AIM2: variants seen among roughly 807,000 people sequenced by gnomAD.
AIM2 encodes the protein interferon-inducible protein AIM2.
A neutral mutation model predicts 27.7 loss-of-function variants in AIM2; 30 were observed. The observed-to-expected ratio is 1.08, with a 90% CI of 0.81 to 1.47. AIM2 has a LOEUF of 1.47. Among genes scored for constraint, AIM2 ranks in the 40% most tolerant of loss-of-function variants. The pLI, the probability that AIM2 is intolerant of heterozygous loss-of-function variation, is 0.00. For synonymous variants in AIM2, 141 were observed against 145.3 expected, an observed-to-expected ratio of 0.97 and a Z score of 0.21; for missense variants, 358 against 411.3, an observed-to-expected ratio of 0.87 and a Z score of 1.12.
intron 1 of AIM2, among the ~76,000 whole-genome samples, chr1:159,105,548 A>G (rs1657420374): frequency 6.6e-6 from 1 of 152,168 alleles, no homozygotes; most frequent in South Asian, 2.1e-4. Context: ...GAGGAGCTTT[A>G]TTGAGTAACG....
chr1:159,060,547 C>T (rs1210181150), downstream of AIM2, among the ~76,000 whole-genome samples: 1 of 152,190 alleles, frequency 6.6e-6, no homozygotes. Flanking sequence ...CTTCCTGCTG[C>T]TTTGTTGCCG....
chr1:159,127,924 T>C lies in AIM2; in HGVS notation c.-16+12507A>G, dbSNP rs74369400. On this transcript the variant is annotated intron_variant, in intron 1 of 2. Coordinates refer to the AIM2 transcript ENST00000368129. ...CTCATGTCACCAACTGAAAGTGCCT[T>C]CTTTTTCATCTTAACCAAAGTTAGT... 8.2e-3 allele frequency among the ~76,000 whole-genome samples: 1,244 copies of C among 152,356 alleles called. 13 individuals are homozygous for C. The highest frequency in any genetic ancestry group is 8.9e-3 in the Non-Finnish European group (606 of 68,038).
intron 2 of AIM2, among the ~76,000 whole-genome samples, chr1:159,071,834 A>G (rs1223869454): frequency 6.6e-6 from 1 of 152,288 alleles, no homozygotes; most frequent in East Asian, 1.9e-4. Context: ...GAATCCTACA[A>G]CTGTTACATT....
chr1:159,136,666 T>G (rs1648014600), intron 1 of AIM2, among the ~76,000 whole-genome samples: 1 of 152,230 alleles, frequency 6.6e-6, no homozygotes, highest in African/African-American at 2.4e-5. Flanking sequence ...TCAAAGATAT[T>G]CTATTCCATT....
upstream of AIM2, among the ~76,000 whole-genome samples, chr1:159,144,088 G>C (rs1370772956): frequency 6.6e-6 from 1 of 152,144 alleles, no homozygotes; most frequent in East Asian, 1.9e-4. Context: ...TTATAAACTA[G>C]GGGCACTAAC....
chr1:159,073,643 T>C (rs1656471468), intron 1 of AIM2, 124 bp from the exon 2 acceptor site: 3 of 973,200 alleles, frequency 3.1e-6, no homozygotes. Flanking sequence ...TAAAAGAGAT[T>C]TGAGTAGGAC....
intron 1 of AIM2, among the ~76,000 whole-genome samples, chr1:159,130,662 C>A (rs1647844722): frequency 6.6e-6 from 1 of 152,012 alleles, no homozygotes; most frequent in African/African-American, 2.4e-5. Context: ...TTTCTCTCCA[C>A]TTCTCTAATA....
At chr1:159,122,904 A>C (rs980429584) in intron 1 of AIM2, among the ~76,000 whole-genome samples, 6 of 152,202 alleles carry the variant, frequency 3.9e-5, no homozygotes, top group Non-Finnish European at 4.4e-5. Flanking sequence ...AGATGTCTAC[A>C]GTTGTGTTGA....
intron 1 of AIM2, among the ~76,000 whole-genome samples, chr1:159,136,624 G>C (rs868424490): frequency 3.9e-5 from 6 of 152,122 alleles, no homozygotes; most frequent in African/African-American, 1.2e-4. Flanking sequence ...TGGAAGCAAA[G>C]AGATCCAACT....
chr1:159,118,315 AT>A (rs1647438100), intron 1 of AIM2, among the ~76,000 whole-genome samples: 1 of 152,238 alleles, frequency 6.6e-6, no homozygotes, highest in Non-Finnish European at 1.5e-5. Context: ...CAACAGCTTT[AT>A]AAAATTGTCA....
intron 1 of AIM2, among the ~76,000 whole-genome samples, chr1:159,095,080 A>G (rs943886388): frequency 6.6e-6 from 1 of 152,218 alleles, no homozygotes; most frequent in African/African-American, 2.4e-5. Flanking sequence ...TAATCCCATC[A>G]TCCAGAGAGA....
intron 1 of AIM2, among the ~76,000 whole-genome samples, chr1:159,100,333 T>A (rs1273615727): frequency 6.6e-6 from 1 of 152,242 alleles, no homozygotes; most frequent in African/African-American, 2.4e-5. Flanking sequence ...ATGATTTTTT[T>A]AAGTTCATCT....
chr1:159,078,691 A>G (rs377293769), upstream of AIM2, among the ~76,000 whole-genome samples: 13 of 152,304 alleles, frequency 8.5e-5, no homozygotes, highest in East Asian at 1.9e-3. Context: ...GAGATACCCA[A>G]CTTGGTGACA....
intron 1 of AIM2, among the ~76,000 whole-genome samples, chr1:159,102,225 A>G (rs1478596621): frequency 6.6e-6 from 1 of 152,226 alleles, no homozygotes; most frequent in African/African-American, 2.4e-5. Flanking sequence ...AAGCCTTGGT[A>G]GCTTCCACGT....
In AIM2 at chr1:159,062,513, A is replaced by G; in HGVS notation, c.*179T>C. The G allele has an allele frequency of 1.6e-6, 1 of 615,270 alleles. No homozygotes were observed. The highest frequency in any genetic ancestry group is 2.0e-5 in the South Asian group (1 of 49,210). 38.1% of individuals were successfully genotyped at this position (615,270 alleles called of 1,614,324 possible). On this transcript the variant is annotated 3_prime_UTR_variant, in exon 6 of 6. Coordinates refer to ENST00000368130, the MANE Select transcript of AIM2 (RefSeq NM_004833.3). ...TGAGAAACAGATGTTTATTGTGATC[A>G]TCTGTTGATATTCTGAATTTGTTTA...
chr1:159,145,880 G>A (rs1428528305), intron 1 of AIM2, among the ~76,000 whole-genome samples: 2 of 152,156 alleles, frequency 1.3e-5, no homozygotes, highest in Non-Finnish European at 2.9e-5. Flanking sequence ...GGCCAAGACA[G>A]GCAGATCACG....
chr1:159,114,486 C>A (rs976996559), intron 1 of AIM2, among the ~76,000 whole-genome samples: 1 of 152,102 alleles, frequency 6.6e-6, no homozygotes, highest in African/African-American at 2.4e-5. Flanking sequence ...TTTGGGAGGC[C>A]AAGGAGAATC....
intron 1 of AIM2, among the ~76,000 whole-genome samples, chr1:159,094,355 A>C (rs1657122176): frequency 6.6e-6 from 1 of 152,148 alleles, no homozygotes; most frequent in South Asian, 2.1e-4. Context: ...GTACTTTTAC[A>C]TCTTAAACAT....
At chr1:159,116,181 C>T (rs1427160017) in intron 1 of AIM2, among the ~76,000 whole-genome samples, 1 of 151,676 alleles carries the variant, frequency 6.6e-6, no homozygotes, top group African/African-American at 2.4e-5. Flanking sequence ...ATTCAGGAAA[C>T]AACAAGTGCT....
Sources: allele counts gnomAD v4.1 joint callset (sites outside exome capture counted in the v4.1 genomes callset), GRCh38; gene constraint gnomAD v4.1.1; transcripts MANE v1.5; gene names NCBI Gene and HGNC (gene_info 2026-07-23, HGNC 2026-07-21).